MAP3K19: variants seen among roughly 807,000 people sequenced by gnomAD.
The protein encoded by MAP3K19 is SPS1/STE20-related protein kinase YSK4.
Under a neutral mutation model 114.4 loss-of-function variants are expected in MAP3K19, and 91 were observed. That is an observed-to-expected ratio of 0.80 (90% CI 0.67 to 0.95). MAP3K19 has a LOEUF of 0.95. Ranked by LOEUF, MAP3K19 falls within the 40% of genes least tolerant of loss-of-function variation. The pLI, the probability that MAP3K19 is intolerant of heterozygous loss-of-function variation, is 0.00. For synonymous variants in MAP3K19, 518 were observed against 530.5 expected (o/e 0.98, Z 0.32); for missense variants, 1,471 against 1,573.2 (o/e 0.94, Z 1.10).
chr2:134,986,495 C>T lies in MAP3K19; in HGVS notation c.2377G>A (p.Glu793Lys). 1 of 1,614,116 alleles carries T rather than the reference C, an allele frequency of 6.2e-7. No individual in the cohort carries two copies. The highest frequency in any genetic ancestry group is 8.5e-7 in the Non-Finnish European group (1 of 1,180,024). ...AATTCATTCTGTTTCATGGACTGCTCAGGTGTCTGAGCCAAGTTCATGGGA... is the reference window on the plus strand; with the variant it reads ...AATTCATTCTGTTTCATGGACTGCTTAGGTGTCTGAGCCAAGTTCATGGGA... ...IHPMNLAQTP[E>K]QSMKQNEFPP... Residue 793 changes from glutamate to lysine, a missense_variant, in exon 10 of 13, where the codon GAG becomes AAG. Physicochemically the swap from Glu to Lys is moderately conservative, Grantham distance 56 (BLOSUM62 1). Coordinates refer to ENST00000392915, the MANE Select transcript of MAP3K19 (RefSeq NM_025052.5).
At chr2:135,013,469 CTGGTGT>C (rs1687378748) in intron 5 of MAP3K19, among the ~76,000 whole-genome samples, 1 of 152,070 alleles carries the variant, frequency 6.6e-6, no homozygotes. Flanking sequence ...AGGTTCACTC[CTGGTGT>C]TGTACATTCT....
intron 8 of MAP3K19, among the ~76,000 whole-genome samples, chr2:134,993,386 A>G (rs1685752294): frequency 6.6e-6 from 1 of 152,220 alleles, no homozygotes; most frequent in Non-Finnish European, 1.5e-5. Context: ...CCCCTTGGAC[A>G]CAGCTGGCCA....
At chr2:134,976,190 G>A (rs1684222948) in intron 12 of MAP3K19, among the ~76,000 whole-genome samples, 1 of 152,210 alleles carries the variant, frequency 6.6e-6, no homozygotes, top group African/African-American at 2.4e-5. Context: ...GGGCGGGATG[G>A]AGTCTGGTGG....
intron 12 of MAP3K19, among the ~76,000 whole-genome samples, chr2:134,979,641 G>GGT: frequency 8.5e-6 from 1 of 117,752 alleles, no homozygotes; most frequent in Non-Finnish European, 1.7e-5. Context: ...CATTTATGCG[G>GGT]TTTTTTTTTT....
chr2:134,981,335 C>G lies in MAP3K19; in HGVS notation c.3406G>C (p.Val1136Leu). The change falls in exon 12 of 13, where the codon GTG becomes CTG. Residue 1136 changes from valine to leucine, a missense_variant. Coordinates refer to ENST00000392915, the MANE Select transcript of MAP3K19 (RefSeq NM_025052.5). ...YLGTCLQENT[V>L]SIFMEFVPGG... ...GGAACAAACTCCATGAAAATGCTCA[C>G]AGTGTTCTCTTGCAAGCATGTCCCC... is the stretch of plus-strand genomic sequence containing the variant. 6.2e-7 allele frequency: 1 copy of G among 1,614,208 alleles called. No individual in the cohort carries two copies. The highest frequency in any genetic ancestry group is 2.2e-5 in the East Asian group (1 of 44,886).
chr2:134,965,781 T>C (rs1012870362), intron 12 of MAP3K19, among the ~76,000 whole-genome samples: 3 of 152,236 alleles, frequency 2.0e-5, no homozygotes, highest in Non-Finnish European at 4.4e-5. Flanking sequence ...GAATACATTG[T>C]TGTTAATTAC....
chr2:134,972,796 T>G (rs919895605), intron 12 of MAP3K19, among the ~76,000 whole-genome samples: 2 of 152,210 alleles, frequency 1.3e-5, no homozygotes, highest in African/African-American at 2.4e-5. Context: ...TTAGCACTGC[T>G]TTTACTATGT....
chr2:135,001,504 T>A (rs1476332813), intron 6 of MAP3K19, among the ~76,000 whole-genome samples: 1 of 152,192 alleles, frequency 6.6e-6, no homozygotes, highest in Non-Finnish European at 1.5e-5. Context: ...TAGCAATGAG[T>A]TTGCATGACA....
At chr2:135,036,275 T>C (rs11888951) in intron 2 of MAP3K19, among the ~76,000 whole-genome samples, 40,371 of 152,110 alleles carry the variant, frequency 0.27, 7,229 homozygotes, top group African/African-American at 0.49. Flanking sequence ...AGCCACTCTA[T>C]TGGTTACTTC....
At chr2:135,026,192 A>T (rs1344005940) in intron 3 of MAP3K19, among the ~76,000 whole-genome samples, 1 of 152,170 alleles carries the variant, frequency 6.6e-6, no homozygotes, top group East Asian at 1.9e-4. Flanking sequence ...TTGGACAAAA[A>T]TTTTTATAAT....
At chr2:135,028,577 TA>T (rs1383349735) in intron 3 of MAP3K19, among the ~76,000 whole-genome samples, 1 of 150,510 alleles carries the variant, frequency 6.6e-6, no homozygotes, top group African/African-American at 2.5e-5. Flanking sequence ...AAAAAAAATT[TA>T]AAAAAAACAA....
chr2:135,011,666 G>GTTGGTTGT (rs1687245613), intron 5 of MAP3K19, among the ~76,000 whole-genome samples: 1 of 150,106 alleles, frequency 6.7e-6, no homozygotes, highest in African/African-American at 2.5e-5. Context: ...AGAGTTTGAT[G>GTTGGTTGT]TTGTTTGTTT....
intron 12 of MAP3K19, among the ~76,000 whole-genome samples, chr2:134,972,941 C>T (rs1247165734): frequency 2.0e-5 from 3 of 152,120 alleles, no homozygotes; most frequent in African/African-American, 7.2e-5. Flanking sequence ...TATACAGTTT[C>T]CAAAGTTCCT....
chr2:135,042,665 T>C (rs1295747456), intron 1 of MAP3K19, among the ~76,000 whole-genome samples: 1 of 152,000 alleles, frequency 6.6e-6, no homozygotes, highest in Admixed American at 6.6e-5. Flanking sequence ...TAAAACCAGA[T>C]GGGAATTTAC....
chr2:135,020,388 T>TCAG (rs1375384514), intron 5 of MAP3K19, among the ~76,000 whole-genome samples: 1 of 152,186 alleles, frequency 6.6e-6, no homozygotes, highest in Non-Finnish European at 1.5e-5. Context: ...GGTGCAATCA[T>TCAG]AGCTCACTGA....
intron 12 of MAP3K19, among the ~76,000 whole-genome samples, chr2:134,975,186 G>T (rs1016571710): frequency 1.3e-5 from 2 of 152,218 alleles, no homozygotes; most frequent in South Asian, 4.1e-4. Flanking sequence ...GGCCTCCAAG[G>T]CTTGCTCAGG....
intron 1 of MAP3K19, among the ~76,000 whole-genome samples, chr2:135,044,520 G>C (rs1414529006): frequency 6.6e-6 from 1 of 152,194 alleles, no homozygotes; most frequent in East Asian, 1.9e-4. Flanking sequence ...AACCTGGGAG[G>C]CAGAGGTTGC....
chr2:135,013,481 A>G (rs916259880), intron 5 of MAP3K19, among the ~76,000 whole-genome samples: 6 of 152,112 alleles, frequency 3.9e-5, no homozygotes, highest in Non-Finnish European at 8.8e-5. Flanking sequence ...GGTGTTGTAC[A>G]TTCTATGGGT....
At chr2:135,001,213 C>G (rs1162899151) in intron 6 of MAP3K19, among the ~76,000 whole-genome samples, 2 of 151,232 alleles carry the variant, frequency 1.3e-5, no homozygotes, top group African/African-American at 4.9e-5. Flanking sequence ...CATTGTTATC[C>G]AATATTATGT....
Sources: gnomAD v4.1 joint callset for allele counts (sites outside exome capture counted in the v4.1 genomes callset) on GRCh38, gnomAD v4.1.1 for gene constraint, MANE v1.5 for transcripts, NCBI Gene and HGNC (gene_info 2026-07-23, HGNC 2026-07-21) for gene names.